The following MRRF variants were observed in gnomAD, a reference collection of about 807,000 sequenced individuals.
MRRF encodes ribosome-recycling factor, mitochondrial.
Under a neutral mutation model 25.1 loss-of-function variants are expected in MRRF, and 18 were observed. The observed-to-expected ratio is 0.72, with a 90% CI of 0.50 to 1.06. The LOEUF is 1.06. Ranked by LOEUF, MRRF falls within the 50% of genes least tolerant of loss-of-function variation. The probability of loss-of-function intolerance (pLI) is 0.00; values close to 1 mark genes in which losing one functional copy is unlikely to be tolerated. For missense variants in MRRF, 323 were observed against 319.3 expected (o/e 1.01, Z -0.09); for synonymous variants, 113 against 112.1 (o/e 1.01, Z -0.05).
intron 2 of MRRF, 148 bp downstream of exon 2, chr9:122,271,223 A>G: frequency 1.3e-6 from 1 of 768,446 alleles, no homozygotes; most frequent in Middle Eastern, 2.9e-4. Flanking sequence ...GATTAGCTTA[A>G]AAGGTTACAG....
chr9:122,301,604 G>A (rs1429297449), intron 5 of MRRF, among the ~76,000 whole-genome samples: 1 of 152,164 alleles, frequency 6.6e-6, no homozygotes, highest in African/African-American at 2.4e-5. Flanking sequence ...CCTTCGGACA[G>A]CAGTATAGGT....
At chr9:122,271,209 A>G (rs1832438829) in intron 2 of MRRF, 134 bp downstream of exon 2, 2 of 818,748 alleles carry the variant, frequency 2.4e-6, no homozygotes, top group Admixed American at 3.7e-5. Context: ...CAGCTATTTC[A>G]TTGGATTAGC....
chr9:122,306,578 G>A (rs16911615), intron 5 of MRRF, among the ~76,000 whole-genome samples: 4,376 of 152,188 alleles, frequency 0.029, 191 homozygotes, highest in African/African-American at 0.095. Context: ...ACAACCTTGC[G>A]TTCAGAGAGG....
At chr9:122,318,178 A>G (rs923137337) in intron 6 of MRRF, among the ~76,000 whole-genome samples, 11 of 151,964 alleles carry the variant, frequency 7.2e-5, no homozygotes, top group Non-Finnish European at 1.2e-4. Context: ...TGTAGGTTCT[A>G]TCCCTATAGT....
chr9:122,272,455 C>T (rs1832519461), intron 2 of MRRF, among the ~76,000 whole-genome samples: 1 of 150,928 alleles, frequency 6.6e-6, no homozygotes, highest in Non-Finnish European at 1.5e-5. Flanking sequence ...TGCTTGAGGC[C>T]AGGAGTTTGA....
chr9:122,305,579 G>A (rs967402967), intron 5 of MRRF, among the ~76,000 whole-genome samples: 2 of 152,132 alleles, frequency 1.3e-5, no homozygotes, highest in African/African-American at 4.8e-5. Flanking sequence ...GCTTGATACA[G>A]GGAAATGGCT....
intron 1 of MRRF, among the ~76,000 whole-genome samples, chr9:122,268,763 G>A (rs1587996946): frequency 6.6e-6 from 1 of 152,092 alleles, no homozygotes; most frequent in East Asian, 1.9e-4. Context: ...ATCAAATCTG[G>A]TTTTATAGAC....
intron 6 of MRRF, among the ~76,000 whole-genome samples, chr9:122,320,757 C>T (rs911546112): frequency 2.0e-5 from 3 of 152,232 alleles, no homozygotes; most frequent in African/African-American, 4.8e-5. Context: ...TTAGTTTCTA[C>T]CCTTTTTAGT....
chr9:122,302,064 A>G (rs888274962), intron 5 of MRRF, among the ~76,000 whole-genome samples: 1 of 151,986 alleles, frequency 6.6e-6, no homozygotes, highest in East Asian at 1.9e-4. Flanking sequence ...ATTAACTGTT[A>G]TGGGGGAGTA....
At chr9:122,275,915 AT>A (rs1008795828) in intron 2 of MRRF, among the ~76,000 whole-genome samples, 8 of 151,074 alleles carry the variant, frequency 5.3e-5, no homozygotes, top group African/African-American at 1.9e-4. Flanking sequence ...TTTATTTCTT[AT>A]TGTTTTTTTG....
chr9:122,308,532 C>T (rs899261606), intron 5 of MRRF, among the ~76,000 whole-genome samples: 1 of 151,428 alleles, frequency 6.6e-6, no homozygotes, highest in African/African-American at 2.4e-5. Context: ...AACCCCGTCT[C>T]TACTAAAAAT....
At chr9:122,295,555 C>A (rs1457603802) in intron 5 of MRRF, among the ~76,000 whole-genome samples, 1 of 151,922 alleles carries the variant, frequency 6.6e-6, no homozygotes, top group Non-Finnish European at 1.5e-5. Context: ...AAGCAATTCT[C>A]CTGCCTCAGC....
At chr9:122,276,636 T>C (rs888697714) in intron 2 of MRRF, among the ~76,000 whole-genome samples, 2 of 152,250 alleles carry the variant, frequency 1.3e-5, no homozygotes, top group Admixed American at 6.5e-5. Flanking sequence ...CTATATGATA[T>C]AGATTCTTTT....
rs1353798273 is a variant in MRRF at position 122,323,864 on chromosome 9, A to G, written c.*1247A>G. The G allele has an allele frequency of 1.3e-5, 2 of 152,150 alleles. No individual in the cohort carries two copies. The highest frequency in any genetic ancestry group is 6.5e-5 in the Admixed American group (1 of 15,282). 9.4% of individuals were successfully genotyped at this position (152,150 alleles called of 1,614,324 possible). A position where few individuals can be genotyped will look rare whatever the true frequency, so the allele number is the denominator to read the frequency against. On this transcript the variant is annotated 3_prime_UTR_variant, in exon 7 of 7. Coordinates refer to ENST00000344641, the MANE Select transcript of MRRF (RefSeq NM_138777.5). Reference sequence around the variant, plus strand: ...GTTTTCATGATTCATTGTCAGCGTCATTTACATAGAGGTGAAGTTTCTTGT... The same window carrying G: ...GTTTTCATGATTCATTGTCAGCGTCGTTTACATAGAGGTGAAGTTTCTTGT...
intron 3 of MRRF, among the ~76,000 whole-genome samples, chr9:122,284,458 T>C: frequency 6.6e-6 from 1 of 152,146 alleles, no homozygotes. Flanking sequence ...CTCACTCTAA[T>C]CCTCTAAGGT....
At position 122,323,049 on chromosome 9, in the gene MRRF, C is replaced by G. The variant is rs1835980544; in HGVS notation, c.*432C>G. The G allele has an allele frequency of 4.4e-6, 1 of 226,550 alleles. No individual in the cohort carries two copies. The highest frequency in any genetic ancestry group is 2.2e-5 in the African/African-American group (1 of 44,748). The allele number at this position is 226,550 out of a possible 1,614,324, so 14.0% of individuals were successfully genotyped here. On this transcript the variant is annotated 3_prime_UTR_variant, in exon 7 of 7. Transcript: ENST00000344641. ...GCCCATTTTCACTAAACAATAAAATCTAAATAAATTGGAAGGAATAACAAC... is the reference window on the plus strand; with the variant it reads ...GCCCATTTTCACTAAACAATAAAATGTAAATAAATTGGAAGGAATAACAAC...
intron 3 of MRRF, among the ~76,000 whole-genome samples, chr9:122,281,632 A>G (rs779100342): frequency 3.9e-5 from 6 of 152,196 alleles, no homozygotes; most frequent in Non-Finnish European, 2.9e-5. Context: ...TATTTTAGGT[A>G]TGAAACTGAT....
intron 4 of MRRF, chr9:122,286,291 G>A (rs1833402735): frequency 2.1e-6 from 2 of 958,306 alleles, no homozygotes; most frequent in Non-Finnish European, 2.8e-6. Flanking sequence ...AGCCCTTGCT[G>A]TGAACACACT....
rs1401621554 is a variant in MRRF at position 122,323,769 on chromosome 9, G to A, written c.*1152G>A. 6.6e-6 allele frequency: 1 copy of A among 152,058 alleles called. No homozygotes were observed. The highest frequency in any genetic ancestry group is 1.5e-5 in the Non-Finnish European group (1 of 68,024). The allele number at this position is 152,058 out of a possible 1,614,324, so 9.4% of individuals were successfully genotyped here. A position where few individuals can be genotyped will look rare whatever the true frequency, so the allele number is the denominator to read the frequency against. On this transcript the variant is annotated 3_prime_UTR_variant, in exon 7 of 7. Transcript: ENST00000344641. ...GTGTATTATCTTCATTTACAAATAG[G>A]AAAACTAAGTCTTGACAGTATTAGG...
Sources: allele counts gnomAD v4.1 joint callset (sites outside exome capture counted in the v4.1 genomes callset), GRCh38; gene constraint gnomAD v4.1.1; transcripts MANE v1.5; gene names NCBI Gene and HGNC (gene_info 2026-07-23, HGNC 2026-07-21).